The following PMEL variants were observed in gnomAD, a reference collection of about 807,000 sequenced individuals.
PMEL encodes the protein melanocyte protein PMEL.
Under a neutral mutation model 64.9 loss-of-function variants are expected in PMEL, and 53 were observed. The ratio of observed to expected loss-of-function variants is 0.82; its 90% confidence interval spans 0.66 to 1.03. The LOEUF is 1.03. Among genes scored for constraint, PMEL ranks in the 50% least tolerant of loss-of-function variants. The pLI, the probability that PMEL is intolerant of heterozygous loss-of-function variation, is 0.00. For synonymous variants in PMEL, 299 were observed against 316.2 expected, an observed-to-expected ratio of 0.95 and a Z score of 0.58; for missense variants, 716 against 814.9, an observed-to-expected ratio of 0.88 and a Z score of 1.48.
chr12:55,966,219 G>T (rs569270551), upstream of PMEL: 88 of 718,158 alleles, frequency 1.2e-4, no homozygotes, highest in African/African-American at 1.5e-3. Context: ...ACAGTTTCTG[G>T]TTTCACTGGG....
chr12:55,957,196 T>G lies in PMEL; in HGVS notation c.1107A>C (p.Ala369=). The G allele has an allele frequency of 6.2e-7, 1 of 1,614,236 alleles. No individual in the cohort carries two copies. The highest frequency in any genetic ancestry group is 8.5e-7 in the Non-Finnish European group (1 of 1,180,046). Residue 369 remains alanine, a synonymous_variant, in exon 6 of 11, where the codon GCA becomes GCC. Coordinates refer to ENST00000548747, the MANE Select transcript of PMEL (RefSeq NM_001384361.1). The part of the protein sequence containing the change: ...ISTAPVQMPT[A]ESTGMTPEKV... ...TCTCAGGTGTCATACCTGTGCTCTC[T>G]GCAGTTGGCATCTGCACAGGTGCAG... is the stretch of plus-strand genomic sequence containing the variant.
chr12:55,957,729 C>T, intron 5 of PMEL, 58 bp from the exon 6 acceptor site: 1 of 1,555,900 alleles, frequency 6.4e-7, no homozygotes, highest in African/African-American at 1.4e-5. Context: ...TCTCCTTTCA[C>T]AGCCACACCC....
rs1178446895 is a variant in PMEL, at chr12:55,956,110, G to A, written c.1464C>T (p.Asp488=). 2 of 1,608,588 alleles carry A rather than the reference G, an allele frequency of 1.2e-6. No homozygotes were observed. Among genetic ancestry groups the A allele is most frequent in the East Asian group, 2.2e-5 (1 of 44,866 alleles). The change falls in exon 7 of 11, where the codon GAC becomes GAT. Residue 488 remains aspartate (D), a synonymous_variant. Transcript: ENST00000548747. ...AAAGTAGGCAAGACTCACGGACAAT[G>A]TCCAGGGTGACGGAAAAGGAACCAT... The part of the protein sequence containing the change: ...YRYGSFSVTL[D]IVQGIESAEI...
chr12:55,955,628 C>T lies in PMEL; in HGVS notation c.1598G>A (p.Cys533Tyr), dbSNP rs757169561. 3.1e-6 allele frequency: 5 copies of T among 1,613,440 alleles called. No homozygotes were observed. Among genetic ancestry groups the T allele is most frequent in the African/African-American group, 1.3e-5 (1 of 75,044 alleles). Residue 533 changes from cysteine (C) to tyrosine (Y), a missense_variant, in exon 9 of 11, where the codon TGC becomes TAC. Cys to Tyr is a radical substitution (Grantham distance 194). Transcript: ENST00000548747. ...GCACAGCCGCTGGGCAGGGGGCTGG[C>T]ACCCTGGCGATGAGATCTCCATGCA... ...EACMEISSPG[C>Y]QPPAQRLCQP...
In PMEL at chr12:55,954,124, T is replaced by C; in HGVS notation, c.*90A>G. On this transcript the variant is annotated 3_prime_UTR_variant, in exon 11 of 11. Coordinates refer to ENST00000548747, the MANE Select transcript of PMEL (RefSeq NM_001384361.1). ...CCAGCATCAGGCTCTGAGTATTTAT[T>C]TCAGTTAATAGTAGTCTCCCAGGGA... 1.6e-6 allele frequency: 2 copies of C among 1,258,608 alleles called. No individual in the cohort carries two copies. The highest frequency in any genetic ancestry group is 1.5e-5 in the South Asian group (1 of 67,112). 78.0% of individuals were successfully genotyped at this position (1,258,608 alleles called of 1,614,324 possible).
In PMEL at chr12:55,954,214, TCA is replaced by T. The variant is rs770420411; in HGVS notation, c.1984_1985del (p.Ter662SerfsTer5). 1.2e-6 allele frequency: 2 copies of T among 1,609,648 alleles called. No homozygotes were observed. The highest frequency in any genetic ancestry group is 4.5e-5 in the East Asian group (2 of 44,794). On this transcript the variant is annotated frameshift_variant and stop_lost, in exon 11 of 11. Transcript: ENST00000548747. LOFTEE classifies it high-confidence loss of function. ...AAATCACAGCATCATATGAGAGTAC[TCA>T]GACCTGCTGCCCACTGAGGAGGGGG... The part of the protein sequence containing the change: ...NSPLLSGQQV[*>X]
chr12:55,962,777 C>T (rs1592774623), intron 1 of PMEL, among the ~76,000 whole-genome samples: 2 of 151,556 alleles, frequency 1.3e-5, no homozygotes, highest in African/African-American at 2.4e-5. Flanking sequence ...GTGATCCAAC[C>T]GCTTCGGCCT....
Position 55,955,588 on chromosome 12 carries a change from G to A in PMEL, c.1638C>T (p.Pro546=). The part of the protein sequence containing the change: ...PAQRLCQPVL[P]SPACQLVLHQ... ...GCAGAACCAGCTGGCAGGCTGGGCT[G>A]GGTAGCACAGGCTGGCACAGCCGCT... Residue 546 remains proline (P), a synonymous_variant, in exon 9 of 11, where the codon CCC becomes CCT. Transcript: ENST00000548747. 6.2e-7 allele frequency: 1 copy of A among 1,613,978 alleles called. No individual in the cohort carries two copies. The highest frequency in any genetic ancestry group is 8.5e-7 in the Non-Finnish European group (1 of 1,180,000).
At position 55,954,328 on chromosome 12, in the gene PMEL, G is replaced by A. The variant is rs377281821; in HGVS notation, c.1872C>T (p.Asp624=). 4 of 1,614,062 alleles carry A rather than the reference G, an allele frequency of 2.5e-6. No homozygotes were observed. The African/African-American group carries it at 4.0e-5, about 16-fold the overall frequency. ...LIYRRRLMKQ[D]FSVPQLPHSS... Reference sequence around the variant, plus strand: ...TATGTGGCAACTGGGGTACGGAGAAGTCTTGCTTCATAAGTCTGCGCCTGA... The same window carrying A: ...TATGTGGCAACTGGGGTACGGAGAAATCTTGCTTCATAAGTCTGCGCCTGA... Residue 624 remains aspartate, a synonymous_variant, in exon 11 of 11, where the codon GAC becomes GAT. Transcript: ENST00000548747.
In PMEL at chr12:55,956,112, C is replaced by A. The variant is rs778026692; in HGVS notation, c.1462G>T (p.Asp488Tyr). The A allele has an allele frequency of 1.9e-5, 30 of 1,610,320 alleles. No homozygotes were observed. In the South Asian group the frequency reaches 3.3e-4, roughly 18 times the overall value. The change falls in exon 7 of 11, where the codon GAC becomes TAC. Residue 488 changes from aspartate (D) to tyrosine (Y), a missense_variant. Physicochemically the swap from Asp to Tyr is radical, Grantham distance 160. Transcript: ENST00000548747. ...AGTAGGCAAGACTCACGGACAATGT[C>A]CAGGGTGACGGAAAAGGAACCATAT... ...YRYGSFSVTL[D>Y]IVQGIESAEI...
chr12:55,956,057 T>C, intron 7 of PMEL, 46 bp downstream of exon 7: 1 of 1,343,012 alleles, frequency 7.4e-7, no homozygotes, highest in Non-Finnish European at 1.1e-6. Context: ...CAGCCCTAGG[T>C]AGCACACAGC....
intron 1 of PMEL, among the ~76,000 whole-genome samples, chr12:55,965,525 C>A (rs1168404061): frequency 6.6e-6 from 1 of 151,994 alleles, no homozygotes; most frequent in Non-Finnish European, 1.5e-5. Flanking sequence ...TGTGTTCACC[C>A]GTACCCATCC....
In PMEL at chr12:55,957,431, A is replaced by G. The variant is rs755533343; in HGVS notation, c.872T>C (p.Val291Ala). ...GGTGAGAGGAATGGCAGCCTGCAGG[A>G]CCACCTGGGCAGTGACTGGGCCAGG... is the stretch of plus-strand genomic sequence containing the variant. ...LEPGPVTAQVVLQAAIPLTSC... is the reference protein window; with the variant it reads ...LEPGPVTAQVALQAAIPLTSC... Residue 291 changes from valine to alanine, a missense_variant, in exon 6 of 11, where the codon GTC becomes GCC. Coordinates refer to ENST00000548747, the MANE Select transcript of PMEL (RefSeq NM_001384361.1). 5 of 1,610,862 alleles carry G rather than the reference A, an allele frequency of 3.1e-6. No individual in the cohort carries two copies. Among genetic ancestry groups the G allele is most frequent in the Middle Eastern group, 1.7e-4 (1 of 6,048 alleles).
intron 3 of PMEL, among the ~76,000 whole-genome samples, chr12:55,960,222 A>AG (rs1392637843): frequency 2.1e-5 from 3 of 146,122 alleles, no homozygotes; most frequent in African/African-American, 7.6e-5. Context: ...AAAAAAAAAA[A>AG]AAAGAAAAGA....
At position 55,955,610 on chromosome 12, in the gene PMEL, C is replaced by T. The variant is rs759772799; in HGVS notation, c.1616G>A (p.Arg539Gln). 22 of 1,613,778 alleles carry T rather than the reference C, an allele frequency of 1.4e-5. No homozygotes were observed. Among genetic ancestry groups the T allele is most frequent in the South Asian group, 2.2e-5 (2 of 91,064 alleles). Residue 539 changes from arginine to glutamine, a missense_variant, in exon 9 of 11, where the codon CGG becomes CAG. Physicochemically the swap from Arg to Gln is conservative, Grantham distance 43. Coordinates refer to ENST00000548747, the MANE Select transcript of PMEL (RefSeq NM_001384361.1). ...SSPGCQPPAQRLCQPVLPSPA... is the reference protein window; with the variant it reads ...SSPGCQPPAQQLCQPVLPSPA... ...GCTGGGTAGCACAGGCTGGCACAGC[C>T]GCTGGGCAGGGGGCTGGCACCCTGG...
Position 55,956,085 on chromosome 12 carries a change from A to G in PMEL, c.1471+18T>C. The G allele has an allele frequency of 6.4e-7, 1 of 1,557,946 alleles. No homozygotes were observed. Among genetic ancestry groups the G allele is most frequent in the Non-Finnish European group, 8.9e-7 (1 of 1,128,804 alleles). ...CACACAGCTGCCTCCATCAGCCACCAAAGTAGGCAAGACTCACGGACAATG... is the reference window on the plus strand; with the variant it reads ...CACACAGCTGCCTCCATCAGCCACCGAAGTAGGCAAGACTCACGGACAATG... On this transcript the variant is annotated intron_variant, in intron 7 of 10. Coordinates refer to ENST00000548747, the MANE Select transcript of PMEL (RefSeq NM_001384361.1).
rs997779283 is a variant in PMEL, at chr12:55,955,630, C to T, written c.1596G>A (p.Gly532=). The change falls in exon 9 of 11, where the codon GGG becomes GGA. Residue 532 remains glycine (G), a synonymous_variant. Coordinates refer to ENST00000548747, the MANE Select transcript of PMEL (RefSeq NM_001384361.1). ...KEACMEISSP[G]CQPPAQRLCQ... The stretch of plus-strand genomic sequence containing the variant: ...ACAGCCGCTGGGCAGGGGGCTGGCA[C>T]CCTGGCGATGAGATCTCCATGCAGG... The T allele has an allele frequency of 3.1e-6, 5 of 1,613,454 alleles. No homozygotes were observed. In the Admixed American group the frequency reaches 5.0e-5, roughly 16 times the overall value.
At position 55,965,978 on chromosome 12, in the gene PMEL, A is replaced by G; in HGVS notation, c.34T>C (p.Leu12=). The G allele has an allele frequency of 6.2e-7, 1 of 1,614,184 alleles. No homozygotes were observed. ...DLVLKRCLLH[L]AVIGALLAVG... is the part of the protein sequence containing the mutation. ...GCCAGCAAAGCACCTATCACAGCCA[A>G]ATGAAGAAGGCATCTTTTTAGCACC... The change falls in exon 1 of 11, where the codon TTG becomes CTG. Residue 12 remains leucine, a synonymous_variant. Transcript: ENST00000548747.
chr12:55,964,580 A>G (rs1263811425), intron 1 of PMEL, among the ~76,000 whole-genome samples: 2 of 152,154 alleles, frequency 1.3e-5, no homozygotes, highest in East Asian at 3.8e-4. Flanking sequence ...TGCTGGGATT[A>G]CAGGTGTGAG....
Sources: allele counts gnomAD v4.1 joint callset (sites outside exome capture counted in the v4.1 genomes callset), GRCh38; gene constraint gnomAD v4.1.1; transcripts MANE v1.5; gene names NCBI Gene and HGNC (gene_info 2026-07-23, HGNC 2026-07-21).